SAMSN1: variants seen among roughly 807,000 people sequenced by gnomAD.
SAMSN1 encodes SAM domain-containing protein SAMSN-1.
In SAMSN1, 31 loss-of-function variants were observed where a neutral mutation model predicts 42.0. The observed-to-expected ratio is 0.74, with a 90% CI of 0.55 to 1.00. The LOEUF is 1.00. Ranked by LOEUF, SAMSN1 falls within the 50% of genes least tolerant of loss-of-function variation. SAMSN1 has a pLI of 0.00. For missense variants in SAMSN1, 464 were observed against 439.4 expected, an observed-to-expected ratio of 1.06 and a Z score of -0.50; for synonymous variants, 178 against 151.9, an observed-to-expected ratio of 1.17 and a Z score of -1.26.
At chr21:14,534,414 T>A (rs1979464714) in intron 1 of SAMSN1, among the ~76,000 whole-genome samples, 1 of 152,106 alleles carries the variant, frequency 6.6e-6, no homozygotes, top group Middle Eastern at 3.2e-3. Context: ...TGAATCTAGT[T>A]GGGAGCACAT....
At chr21:14,504,586 T>C (rs775590823) in intron 5 of SAMSN1, among the ~76,000 whole-genome samples, 1 of 152,116 alleles carries the variant, frequency 6.6e-6, no homozygotes. Flanking sequence ...GAACAAAGCC[T>C]CCAAGAAGTC....
At chr21:14,635,277 C>A (rs768405434) in intron 2 of SAMSN1, among the ~76,000 whole-genome samples, 6 of 152,122 alleles carry the variant, frequency 3.9e-5, no homozygotes, top group Admixed American at 6.6e-5. Flanking sequence ...CTGCAAAACA[C>A]CATGACACGC....
chr21:14,582,014 T>A, intron 2 of SAMSN1: 2 of 935,206 alleles, frequency 2.1e-6, no homozygotes, highest in East Asian at 5.3e-5. Flanking sequence ...AAGACAACTC[T>A]TGCTCTGGTA....
At chr21:14,550,235 C>T (rs1210541531), upstream of SAMSN1, among the ~76,000 whole-genome samples, 1 of 152,034 alleles carries the variant, frequency 6.6e-6, no homozygotes, top group Non-Finnish European at 1.5e-5. Flanking sequence ...TCCTATATTT[C>T]CTAACTCTCT....
intron 1 of SAMSN1, among the ~76,000 whole-genome samples, chr21:14,542,559 A>C (rs530336974): frequency 6.6e-6 from 1 of 152,346 alleles, no homozygotes; most frequent in East Asian, 1.9e-4. Context: ...ATAGAGTGTA[A>C]TGCAATAACA....
intron 6 of SAMSN1, among the ~76,000 whole-genome samples, chr21:14,601,265 C>T (rs1982422390): frequency 6.6e-6 from 1 of 152,172 alleles, no homozygotes; most frequent in African/African-American, 2.4e-5. Flanking sequence ...AGCAGAAACT[C>T]TAGTGGATCA....
chr21:14,495,589 T>C (rs559363891), intron 7 of SAMSN1: 7 of 152,328 alleles, frequency 4.6e-5, no homozygotes, highest in African/African-American at 1.7e-4. Context: ...GCTCTGTGTA[T>C]GTTTGTACCT....
At chr21:14,653,609 A>G (rs1285298084) in intron 1 of SAMSN1, among the ~76,000 whole-genome samples, 1 of 152,024 alleles carries the variant, frequency 6.6e-6, no homozygotes, top group Non-Finnish European at 1.5e-5. Flanking sequence ...ACTATTGTCA[A>G]TAATAACTTA....
At chr21:14,528,268 C>T (rs1046183989) in intron 1 of SAMSN1, among the ~76,000 whole-genome samples, 1 of 152,114 alleles carries the variant, frequency 6.6e-6, no homozygotes, top group Non-Finnish European at 1.5e-5. Context: ...TTCTCTTCTT[C>T]TCTAACTAAT....
At position 14,494,142 on chromosome 21, in the gene SAMSN1, G is replaced by A. The variant is rs116199898; in HGVS notation, c.919+4300C>T. Among the ~76,000 whole-genome samples, 776 of 152,318 alleles carry A rather than the reference G, an allele frequency of 5.1e-3. 6 individuals are homozygous for A. The highest frequency in any genetic ancestry group is 0.017 in the African/African-American group (724 of 41,566). On this transcript the variant is annotated intron_variant, in intron 7 of 7. Coordinates refer to ENST00000400566, the MANE Select transcript of SAMSN1 (RefSeq NM_022136.5). ...GTAAATTAGTTCAACCATTGTCAAA[G>A]ACAGTGTGGCGATCCCTCACAGATC...
At chr21:14,602,742 AAGG>A (rs1202866431) in intron 5 of SAMSN1, among the ~76,000 whole-genome samples, 2 of 152,198 alleles carry the variant, frequency 1.3e-5, no homozygotes, top group Non-Finnish European at 2.9e-5. Context: ...TTTTACAGAT[AAGG>A]AGAGTGCAAC....
At chr21:14,654,133 T>G (rs2123400274) in intron 1 of SAMSN1, among the ~76,000 whole-genome samples, 1 of 152,104 alleles carries the variant, frequency 6.6e-6, no homozygotes. Context: ...ATATAATTAG[T>G]CTAGTTATGA....
chr21:14,610,535 C>T (rs1982676146), intron 4 of SAMSN1, among the ~76,000 whole-genome samples: 1 of 152,100 alleles, frequency 6.6e-6, no homozygotes, highest in Admixed American at 6.5e-5. Flanking sequence ...TGACCCACAC[C>T]CTATTCGTGC....
chr21:14,487,692 C>A (rs939984530), intron 7 of SAMSN1, among the ~76,000 whole-genome samples: 1 of 152,096 alleles, frequency 6.6e-6, no homozygotes, highest in African/African-American at 2.4e-5. Flanking sequence ...GTTCTTTTAA[C>A]CTTTTCCTTA....
At chr21:14,571,755 A>G (rs1981308409) in intron 2 of SAMSN1, among the ~76,000 whole-genome samples, 1 of 152,188 alleles carries the variant, frequency 6.6e-6, no homozygotes, top group Non-Finnish European at 1.5e-5. Flanking sequence ...GAAAAGGGCA[A>G]CGGTGATGCC....
chr21:14,631,945 A>AGAAGGAAGGAAGGAAG (rs111991572), intron 2 of SAMSN1, among the ~76,000 whole-genome samples: 17 of 152,026 alleles, frequency 1.1e-4, no homozygotes, highest in African/African-American at 4.1e-4. Flanking sequence ...AGAAGTAGGA[A>AGAAGGAAGGAAGGAAG]GAAGGAAGGA....
chr21:14,573,087 G>A (rs941294433), intron 2 of SAMSN1, among the ~76,000 whole-genome samples: 1 of 152,168 alleles, frequency 6.6e-6, no homozygotes, highest in Non-Finnish European at 1.5e-5. Flanking sequence ...ATGTGTCTCT[G>A]TGCTGAAAAC....
rs185758877 is a variant in SAMSN1 at position 14,634,965 on chromosome 21, A to G, written c.156+8037T>C. ...CATCAATGATAGACTGGAAAAGAAA[A>G]TGTGGTACATATACACCATGAAATA... On this transcript the variant is annotated intron_variant, in intron 2 of 15. Transcript: ENST00000647101. 2.5e-4 allele frequency among the ~76,000 whole-genome samples: 38 copies of G among 152,348 alleles called. No homozygotes were observed. In the East Asian group the frequency reaches 7.1e-3, roughly 29 times the overall value.
chr21:14,525,968 G>T (rs761318975), intron 1 of SAMSN1, among the ~76,000 whole-genome samples: 4 of 152,028 alleles, frequency 2.6e-5, no homozygotes, highest in Non-Finnish European at 5.9e-5. Context: ...GGATTGAAGC[G>T]ATTCTCCTGC....
Sources: allele counts gnomAD v4.1 joint callset (sites outside exome capture counted in the v4.1 genomes callset), GRCh38; gene constraint gnomAD v4.1.1; transcripts MANE v1.5; gene names NCBI Gene and HGNC (gene_info 2026-07-23, HGNC 2026-07-21).